LHFPL3: variants seen among roughly 807,000 people sequenced by gnomAD.
LHFPL3 encodes LHFPL tetraspan subfamily member 3, also known as LHFPL tetraspan subfamily member 3 protein.
In LHFPL3, 5 loss-of-function variants were observed where a neutral mutation model predicts 19.3. That is an observed-to-expected ratio of 0.26 (90% CI 0.14 to 0.54). The LOEUF (loss-of-function observed/expected upper bound fraction) is 0.54, where lower values mean the gene tolerates loss of function less well. Among genes scored for constraint, LHFPL3 ranks in the 20% least tolerant of loss-of-function variants. LHFPL3 has a pLI of 0.94. For missense variants in LHFPL3, 249 were observed against 307.4 expected, an observed-to-expected ratio of 0.81 and a Z score of 1.42; for synonymous variants, 133 against 126.2, an observed-to-expected ratio of 1.05 and a Z score of -0.36.
At chr7:104,599,995 C>G (rs1477258675) in intron 1 of LHFPL3, among the ~76,000 whole-genome samples, 1 of 152,218 alleles carries the variant, frequency 6.6e-6, no homozygotes, top group African/African-American at 2.4e-5. Flanking sequence ...CCCTGACCAG[C>G]CTTGTAGCTT....
intron 1 of LHFPL3, among the ~76,000 whole-genome samples, chr7:104,330,775 A>G (rs993114401): frequency 1.3e-5 from 2 of 152,106 alleles, no homozygotes; most frequent in Non-Finnish European, 2.9e-5. Context: ...TTATATATAA[A>G]GTTAACTTTT....
chr7:104,520,024 C>T lies in LHFPL3; in HGVS notation c.445+190800C>T, dbSNP rs941794227. Among the ~76,000 whole-genome samples, 8 of 151,396 alleles carry T rather than the reference C, an allele frequency of 5.3e-5. No individual in the cohort carries two copies. In the South Asian group the frequency reaches 1.3e-3, roughly 24 times the overall value. On this transcript the variant is annotated intron_variant, in intron 1 of 2. Coordinates refer to ENST00000424859, the MANE Select transcript of LHFPL3 (RefSeq NM_199000.3). Reference sequence around the variant, plus strand: ...GAGAAAGGGCATCCCTGTCTTGTGCCGGTTTTCAAAGGGAATGCTTCCAGT... The same window carrying T: ...GAGAAAGGGCATCCCTGTCTTGTGCTGGTTTTCAAAGGGAATGCTTCCAGT...
At chr7:104,419,137 A>G (rs1291254032) in intron 1 of LHFPL3, among the ~76,000 whole-genome samples, 1 of 152,354 alleles carries the variant, frequency 6.6e-6, no homozygotes, top group East Asian at 1.9e-4. Context: ...TTTGGAACGT[A>G]AGTTGGAGAT....
chr7:104,371,418 T>C (rs1004893522), intron 1 of LHFPL3, among the ~76,000 whole-genome samples: 1 of 152,210 alleles, frequency 6.6e-6, no homozygotes, highest in Non-Finnish European at 1.5e-5. Context: ...TATAGTTCTC[T>C]CATGGCAACA....
chr7:104,479,679 A>G (rs1793093753), intron 1 of LHFPL3, among the ~76,000 whole-genome samples: 1 of 152,208 alleles, frequency 6.6e-6, no homozygotes, highest in African/African-American at 2.4e-5. Context: ...GGCATGAGCC[A>G]CTACGCCCGT....
intron 2 of LHFPL3, among the ~76,000 whole-genome samples, chr7:104,833,007 T>TAATAGAG (rs377528993): frequency 3.7e-5 from 3 of 81,744 alleles, no homozygotes; most frequent in African/African-American, 1.4e-4. Context: ...ATATTATATA[T>TAATAGAG]ATATATTATA....
intron 1 of LHFPL3, among the ~76,000 whole-genome samples, chr7:104,435,808 CTATT>C (rs1792093189): frequency 6.6e-6 from 1 of 151,640 alleles, no homozygotes; most frequent in Non-Finnish European, 1.5e-5. Flanking sequence ...TATAAAATGG[CTATT>C]TATAGACTGG....
chr7:104,632,415 AACT>A (rs1791660220), intron 1 of LHFPL3, among the ~76,000 whole-genome samples: 1 of 152,196 alleles, frequency 6.6e-6, no homozygotes, highest in Non-Finnish European at 1.5e-5. Flanking sequence ...GTTCATTTTA[AACT>A]ATTATGTGAA....
chr7:104,348,256 G>A (rs960586758), intron 1 of LHFPL3, among the ~76,000 whole-genome samples: 3 of 152,082 alleles, frequency 2.0e-5, no homozygotes, highest in Non-Finnish European at 4.4e-5. Flanking sequence ...GTGGTGGTGC[G>A]TGCCTGTAAT....
intron 1 of LHFPL3, among the ~76,000 whole-genome samples, chr7:104,727,159 CACTTTTTAATTGGGTTGTGTT>C (rs1335168561): frequency 6.6e-6 from 1 of 152,150 alleles, no homozygotes; most frequent in Non-Finnish European, 1.5e-5. Context: ...ATCCTTTGCC[CACTTTTTAATTGGGTTGTGTT>C]TTTTTCTTGT....
intron 2 of LHFPL3, among the ~76,000 whole-genome samples, chr7:104,874,434 A>G (rs557426556): frequency 1.4e-4 from 20 of 142,938 alleles, no homozygotes; most frequent in Admixed American, 1.3e-3. Context: ...TCGTTCTGTC[A>G]CCCAGACTGG....
In LHFPL3 at chr7:104,736,847, A is replaced by G. The variant is rs780620875; in HGVS notation, c.618A>G (p.Leu206=). 3.1e-6 allele frequency: 5 copies of G among 1,612,754 alleles called. 1 individual carries two copies. In the South Asian group the frequency reaches 5.5e-5, roughly 18 times the overall value. Residue 206 remains leucine, a synonymous_variant, in exon 2 of 3, where the codon CTA becomes CTG. Coordinates refer to ENST00000424859, the MANE Select transcript of LHFPL3 (RefSeq NM_199000.3). ...GILDALILSF[L]AFVLGNRQDS... ...TGGATGCCCTGATCCTCTCATTTCTAGCATTTGTGCTTGGTAATCGACAAG... is the reference window on the plus strand; with the variant it reads ...TGGATGCCCTGATCCTCTCATTTCTGGCATTTGTGCTTGGTAATCGACAAG...
At chr7:104,517,008 C>T (rs939322350) in intron 1 of LHFPL3, among the ~76,000 whole-genome samples, 5 of 151,960 alleles carry the variant, frequency 3.3e-5, no homozygotes, top group Admixed American at 6.6e-5. Flanking sequence ...TGGATGGAGC[C>T]GGAGGTCAAT....
At chr7:104,355,997 A>G (rs564568216) in intron 1 of LHFPL3, among the ~76,000 whole-genome samples, 189 of 152,392 alleles carry the variant, frequency 1.2e-3, no homozygotes, top group Non-Finnish European at 2.0e-3. Flanking sequence ...GATGTACCTA[A>G]TTAAGAGATA....
intron 2 of LHFPL3, chr7:104,786,718 G>GTGTGTGTA (rs1160268082): frequency 6.6e-6 from 1 of 151,212 alleles, no homozygotes; most frequent in African/African-American, 2.4e-5. Flanking sequence ...GTGTGTGTGT[G>GTGTGTGTA]TACGTGCTAT....
intron 1 of LHFPL3, among the ~76,000 whole-genome samples, chr7:104,516,598 T>A (rs10252389): frequency 6.6e-6 from 1 of 151,890 alleles, no homozygotes; most frequent in African/African-American, 2.4e-5. Flanking sequence ...CAGTGAGATA[T>A]CCTCTCACAC....
In LHFPL3 at chr7:104,668,330, AAC is replaced by A. The variant is rs1792399910; in HGVS notation, c.446-68343_446-68342del. 7.5e-6 allele frequency: 12 copies of A among 1,597,592 alleles called. No homozygotes were observed. In the South Asian group the frequency reaches 1.2e-4, roughly 16 times the overall value. On this transcript the variant is annotated intron_variant, in intron 1 of 2. Coordinates refer to ENST00000424859, the MANE Select transcript of LHFPL3 (RefSeq NM_199000.3). ...GTGATAGAAATCGGGATTCTGACAA[AAC>A]AGATACAGACTGGAGGGCTCGTCCT...
intron 1 of LHFPL3, among the ~76,000 whole-genome samples, chr7:104,616,637 G>A (rs990615851): frequency 6.6e-6 from 1 of 152,154 alleles, no homozygotes; most frequent in Non-Finnish European, 1.5e-5. Context: ...ATTGACAAAT[G>A]GGATCTAATT....
intron 1 of LHFPL3, among the ~76,000 whole-genome samples, chr7:104,501,584 A>G (rs760120919): frequency 5.3e-5 from 8 of 152,122 alleles, no homozygotes; most frequent in Non-Finnish European, 8.8e-5. Context: ...ACTGATAGTC[A>G]CTCATGCCTC....
Sources: gnomAD v4.1 joint callset for allele counts (sites outside exome capture counted in the v4.1 genomes callset) on GRCh38, gnomAD v4.1.1 for gene constraint, MANE v1.5 for transcripts, NCBI Gene and HGNC (gene_info 2026-07-23, HGNC 2026-07-21) for gene names.